The following NSMCE2 variants were observed in gnomAD, a reference collection of about 807,000 sequenced individuals.
NSMCE2 encodes the protein E3 SUMO-protein ligase NSE2.
A neutral mutation model predicts 23.8 loss-of-function variants in NSMCE2; 24 were observed. The observed-to-expected ratio is 1.01, with a 90% CI of 0.73 to 1.42. The LOEUF (loss-of-function observed/expected upper bound fraction) is 1.42. Among genes scored for constraint, NSMCE2 ranks in the 40% most tolerant of loss-of-function variants. NSMCE2 has a pLI of 0.00. For synonymous variants in NSMCE2, 92 were observed against 94.1 expected, an observed-to-expected ratio of 0.98 and a Z score of 0.13; for missense variants, 284 against 296.5, an observed-to-expected ratio of 0.96 and a Z score of 0.31.
intron 5 of NSMCE2, among the ~76,000 whole-genome samples, chr8:125,325,229 T>C (rs1829617404): frequency 6.6e-6 from 1 of 151,940 alleles, no homozygotes; most frequent in Non-Finnish European, 1.5e-5. Flanking sequence ...TGCAGTACAC[T>C]ATGATAGTGC....
intron 5 of NSMCE2, among the ~76,000 whole-genome samples, chr8:125,296,494 A>G (rs1685181257): frequency 6.7e-6 from 1 of 148,758 alleles, no homozygotes; most frequent in South Asian, 2.1e-4. Flanking sequence ...TCCCAGGTTC[A>G]AGTGATTCTC....
At chr8:125,223,947 C>G (rs1253084462) in intron 5 of NSMCE2, among the ~76,000 whole-genome samples, 1 of 151,934 alleles carries the variant, frequency 6.6e-6, no homozygotes, top group Non-Finnish European at 1.5e-5. Context: ...AGAGATTCTC[C>G]CACTGTAGCC....
chr8:125,221,687 T>G (rs924845826), intron 5 of NSMCE2, among the ~76,000 whole-genome samples: 6 of 152,236 alleles, frequency 3.9e-5, no homozygotes, highest in African/African-American at 1.2e-4. Flanking sequence ...CAAGCCTAAA[T>G]GCAGCATTCA....
At chr8:125,117,818 T>C (rs930000168) in intron 3 of NSMCE2, among the ~76,000 whole-genome samples, 3 of 152,232 alleles carry the variant, frequency 2.0e-5, no homozygotes, top group African/African-American at 7.2e-5. Context: ...TCTGGGACTT[T>C]AATGCCTATT....
intron 5 of NSMCE2, among the ~76,000 whole-genome samples, chr8:125,284,038 C>T (rs887622069): frequency 3.3e-5 from 5 of 151,844 alleles, no homozygotes; most frequent in African/African-American, 7.3e-5. Flanking sequence ...CCTGTAGTCT[C>T]AGCTACTTGG....
intron 3 of NSMCE2, among the ~76,000 whole-genome samples, chr8:125,149,660 G>C (rs904748976): frequency 2.6e-5 from 4 of 152,006 alleles, no homozygotes; most frequent in Non-Finnish European, 5.9e-5. Context: ...TTTCTAATTT[G>C]CTAGTCCCTT....
At chr8:125,208,839 A>T (rs1824215159) in intron 5 of NSMCE2, among the ~76,000 whole-genome samples, 2 of 152,254 alleles carry the variant, frequency 1.3e-5, no homozygotes, top group African/African-American at 4.8e-5. Context: ...ATCTAATTAG[A>T]GTCTTTTCAA....
At chr8:125,355,722 A>AAAAAAAAAC (rs1208991192) in intron 5 of NSMCE2, among the ~76,000 whole-genome samples, 1 of 149,880 alleles carries the variant, frequency 6.7e-6, no homozygotes, top group African/African-American at 2.5e-5. Flanking sequence ...AAAAAAAAAA[A>AAAAAAAAAC]GCTATTGATC....
At chr8:125,181,527 G>A (rs1343493043) in intron 4 of NSMCE2, among the ~76,000 whole-genome samples, 2 of 152,046 alleles carry the variant, frequency 1.3e-5, no homozygotes, top group Non-Finnish European at 2.9e-5. Context: ...ATAATATTGG[G>A]AAATAATTTT....
At chr8:125,240,266 A>G (rs1033042073) in intron 5 of NSMCE2, among the ~76,000 whole-genome samples, 4 of 151,996 alleles carry the variant, frequency 2.6e-5, no homozygotes, top group African/African-American at 9.7e-5. Context: ...CTGGGACTAC[A>G]GGCACAAGCC....
chr8:125,360,913 C>A (rs911624204), intron 7 of NSMCE2, among the ~76,000 whole-genome samples: 3 of 152,136 alleles, frequency 2.0e-5, no homozygotes, highest in African/African-American at 7.2e-5. Context: ...AAGCTTCAGG[C>A]CCTGGGAAGG....
rs539571952 is a variant in NSMCE2, at chr8:125,274,381, AT to A, written c.419-82829del. Among the ~76,000 whole-genome samples the A allele has an allele frequency of 2.6e-4, 40 of 151,752 alleles. 1 individual carries two copies. The highest frequency in any genetic ancestry group is 6.0e-4 in the African/African-American group (25 of 41,394). On this transcript the variant is annotated intron_variant, in intron 5 of 7. Transcript: ENST00000287437. Reference sequence around the variant, plus strand: ...CATTTTAATTCCTGTCACCTCAGTGATTTTTTTTTAGTTCATTTAATTATTT... The same window carrying A: ...CATTTTAATTCCTGTCACCTCAGTGATTTTTTTTAGTTCATTTAATTATTT...
intron 4 of NSMCE2, among the ~76,000 whole-genome samples, chr8:125,152,357 G>A (rs140684783): frequency 1.2e-3 from 184 of 152,242 alleles, no homozygotes; most frequent in African/African-American, 4.4e-3. Flanking sequence ...AATTTCAGCC[G>A]AACCCTAGAA....
At chr8:125,137,180 T>C (rs1201936548) in intron 3 of NSMCE2, among the ~76,000 whole-genome samples, 1 of 152,164 alleles carries the variant, frequency 6.6e-6, no homozygotes, top group African/African-American at 2.4e-5. Context: ...ATCGTGACAC[T>C]TCTACTCTTT....
intron 5 of NSMCE2, among the ~76,000 whole-genome samples, chr8:125,331,499 G>A (rs1179725989): frequency 6.6e-6 from 1 of 152,100 alleles, no homozygotes; most frequent in East Asian, 1.9e-4. Context: ...CTGGGTAATG[G>A]GGAAGAGTAA....
chr8:125,217,331 A>C (rs1824633521), intron 5 of NSMCE2, among the ~76,000 whole-genome samples: 2 of 151,522 alleles, frequency 1.3e-5, no homozygotes, highest in South Asian at 4.2e-4. Flanking sequence ...ACTTTTTTAA[A>C]AAATTTTATT....
chr8:125,322,885 C>T (rs1829510561), intron 5 of NSMCE2, among the ~76,000 whole-genome samples: 2 of 151,996 alleles, frequency 1.3e-5, no homozygotes, highest in South Asian at 2.1e-4. Context: ...ATGGCAAAAC[C>T]CCATCTCTAC....
At chr8:125,179,755 G>A (rs1822703883) in intron 4 of NSMCE2, among the ~76,000 whole-genome samples, 1 of 152,136 alleles carries the variant, frequency 6.6e-6, no homozygotes, top group Admixed American at 6.5e-5. Context: ...CATGTTGTCA[G>A]ACCTCAAAAT....
chr8:125,216,558 T>G (rs577702915), intron 5 of NSMCE2, among the ~76,000 whole-genome samples: 595 of 151,116 alleles, frequency 3.9e-3, no homozygotes, highest in Admixed American at 7.5e-3. Context: ...TGCTTGAACC[T>G]GGGAGGCGGA....
Sources: allele counts gnomAD v4.1 joint callset (sites outside exome capture counted in the v4.1 genomes callset), GRCh38; gene constraint gnomAD v4.1.1; transcripts MANE v1.5; gene names NCBI Gene and HGNC (gene_info 2026-07-23, HGNC 2026-07-21).